CEMIP2: variants seen among roughly 807,000 people sequenced by gnomAD.
CEMIP2 encodes cell migration inducing hyaluronidase 2, also known as cell surface hyaluronidase CEMIP2.
In CEMIP2, 79 loss-of-function variants were observed where a neutral mutation model predicts 146.9. That is an observed-to-expected ratio of 0.54 (90% CI 0.45 to 0.65). CEMIP2 has a LOEUF of 0.65. Among genes scored for constraint, CEMIP2 ranks in the 30% least tolerant of loss-of-function variants. The probability of loss-of-function intolerance (pLI) is 0.00; values close to 1 mark genes in which losing one functional copy is unlikely to be tolerated. For synonymous variants in CEMIP2, 601 were observed against 606.3 expected (o/e 0.99, Z 0.13); for missense variants, 1,596 against 1,696.2 (o/e 0.94, Z 1.04).
intron 22 of CEMIP2, among the ~76,000 whole-genome samples, chr9:71,689,765 T>G (rs534291332): frequency 1.3e-5 from 2 of 152,332 alleles, no homozygotes; most frequent in South Asian, 4.1e-4. Context: ...TGCTCTGATA[T>G]TTGTTTTACG....
In CEMIP2 at chr9:71,722,433, C is replaced by G; in HGVS notation, c.2261G>C (p.Ser754Thr). 6.2e-7 allele frequency: 1 copy of G among 1,612,594 alleles called. No homozygotes were observed. Among genetic ancestry groups the G allele is most frequent in the South Asian group, 1.1e-5 (1 of 90,720 alleles). ...TTAAAAGAGCCAGCTTTACCTTGCACTATTGTCCAAACAGAGGTATTCCCT... is the reference window on the plus strand; with the variant it reads ...TTAAAAGAGCCAGCTTTACCTTGCAGTATTGTCCAAACAGAGGTATTCCCT... ...DPREYLCLDN[S>T]ARFRPHQDAN... Residue 754 changes from serine (S) to threonine (T), a missense_variant, in exon 12 of 24, where the codon AGT (serine) becomes ACT (threonine). Transcript: ENST00000377044.
At chr9:71,705,750 CAT>C (rs1056470518) in intron 17 of CEMIP2, among the ~76,000 whole-genome samples, 1 of 149,498 alleles carries the variant, frequency 6.7e-6, no homozygotes, top group Non-Finnish European at 1.5e-5. Flanking sequence ...TTATGTTTAA[CAT>C]ATATTTATAT....
intron 20 of CEMIP2, among the ~76,000 whole-genome samples, chr9:71,696,348 T>C (rs987436596): frequency 6.6e-5 from 10 of 152,300 alleles, no homozygotes; most frequent in Admixed American, 5.2e-4. Flanking sequence ...CATATAACTT[T>C]CATATACAGG....
intron 23 of CEMIP2, 139 bp downstream of exon 23, chr9:71,685,604 G>C: frequency 8.1e-6 from 7 of 861,870 alleles, no homozygotes; most frequent in Non-Finnish European, 1.1e-5. Context: ...CTCACATTGT[G>C]CCCTTATTTA....
Position 71,718,193 on chromosome 9 carries a change from A to T in CEMIP2, c.2268-114T>A, listed in dbSNP as rs761508932. 112 of 1,002,132 alleles carry T rather than the reference A, an allele frequency of 1.1e-4. No homozygotes were observed. In the Middle Eastern group the frequency reaches 1.4e-3, roughly 12 times the overall value. 62.1% of individuals were successfully genotyped at this position (1,002,132 alleles called of 1,614,324 possible). On this transcript the variant is annotated intron_variant, in intron 12 of 23. Transcript: ENST00000377044. ...TTAAATTTGACCAAAACAAATGAAA[A>T]ATTCTTAAGATACAACTTACTTACA...
At chr9:71,694,396 C>G (rs1380960000) in intron 21 of CEMIP2, 113 bp downstream of exon 21, 1 of 754,994 alleles carries the variant, frequency 1.3e-6, no homozygotes, top group Non-Finnish European at 2.3e-6. Flanking sequence ...GTGCTGGGAT[C>G]ACAGGTGTGA....
At position 71,749,915 on chromosome 9, in the gene CEMIP2, C is replaced by T. The variant is rs374473591; in HGVS notation, c.331+128G>A. 1.7e-5 allele frequency: 12 copies of T among 699,694 alleles called. 1 individual carries two copies. The highest frequency in any genetic ancestry group is 4.1e-4 in the Middle Eastern group (1 of 2,462). 43.3% of individuals were successfully genotyped at this position (699,694 alleles called of 1,614,324 possible). On this transcript the variant is annotated intron_variant, in intron 2 of 23. Coordinates refer to ENST00000377044, the MANE Select transcript of CEMIP2 (RefSeq NM_013390.3). Reference sequence around the variant, plus strand: ...TTGCTCTCATTCATAAGAAGTGACACCTCGTATTACCTAACTACATATTAG... The same window carrying T: ...TTGCTCTCATTCATAAGAAGTGACATCTCGTATTACCTAACTACATATTAG...
At chr9:71,727,859 A>C (rs957772121) in intron 10 of CEMIP2, among the ~76,000 whole-genome samples, 3 of 152,076 alleles carry the variant, frequency 2.0e-5, no homozygotes, top group African/African-American at 7.2e-5. Flanking sequence ...TCAGGAGTTC[A>C]AGACCAGCCT....
chr9:71,711,407 A>C (rs1368086603), intron 16 of CEMIP2, among the ~76,000 whole-genome samples: 1 of 151,510 alleles, frequency 6.6e-6, no homozygotes. Context: ...AAAAAAAAAA[A>C]AAATTTTTTT....
intron 11 of CEMIP2, among the ~76,000 whole-genome samples, chr9:71,722,988 C>A: frequency 6.9e-6 from 1 of 145,422 alleles, no homozygotes. Context: ...AAGCTGAAAC[C>A]TGAAGGATGG....
chr9:71,685,989 T>C (rs1822049205), intron 22 of CEMIP2, 143 bp from the exon 23 acceptor site: 1 of 633,132 alleles, frequency 1.6e-6, no homozygotes, highest in African/African-American at 1.8e-5. Context: ...CTAGATGATT[T>C]TCCATCCAAT....
At chr9:71,762,614 T>C (rs1452826644) in intron 1 of CEMIP2, among the ~76,000 whole-genome samples, 2 of 150,914 alleles carry the variant, frequency 1.3e-5, no homozygotes, top group Admixed American at 1.3e-4. Context: ...AAAAAACACT[T>C]GAAGATTAAA....
intron 22 of CEMIP2, among the ~76,000 whole-genome samples, chr9:71,688,470 A>G (rs1189489712): frequency 6.6e-6 from 1 of 151,746 alleles, no homozygotes; most frequent in Non-Finnish European, 1.5e-5. Context: ...GGCTCACTGC[A>G]AACTGCCTCC....
intron 1 of CEMIP2, among the ~76,000 whole-genome samples, chr9:71,760,543 C>T (rs1824601367): frequency 6.6e-6 from 1 of 151,144 alleles, no homozygotes; most frequent in Non-Finnish European, 1.5e-5. Context: ...CTTTTTCCAA[C>T]GATGTTAAAC....
chr9:71,750,022 T>C (rs919841875), intron 2 of CEMIP2, 21 bp downstream of exon 2: 2 of 1,556,396 alleles, frequency 1.3e-6, no homozygotes, highest in South Asian at 1.2e-5. Context: ...ATATGTTCTA[T>C]GTGCATATAC....
At chr9:71,703,082 T>C (rs1454594116) in intron 18 of CEMIP2, among the ~76,000 whole-genome samples, 1 of 152,216 alleles carries the variant, frequency 6.6e-6, no homozygotes, top group Non-Finnish European at 1.5e-5. Flanking sequence ...AATCTCACTC[T>C]GGCCACAATG....
rs2297089 is a variant in CEMIP2, at chr9:71,690,182, C to T, written c.3761G>A (p.Ser1254Asn). 52,831 of 1,614,006 alleles carry T rather than the reference C, an allele frequency of 0.033. 2,617 individuals are homozygous for T. The highest frequency in any genetic ancestry group is 0.22 in the African/African-American group (16,441 of 74,956). The change falls in exon 22 of 24, where the codon AGC (serine) becomes AAC (asparagine). Residue 1254 changes from serine (S) to asparagine (N), a missense_variant. Transcript: ENST00000377044. ...TTTTTCCGTCAAGCGGAATGGAACG[C>T]TGCACGGATCCACAACAAGGAGGAG... The part of the protein sequence containing the change: ...GVLLLVVDPC[S>N]VPFRLTEKTV...
In CEMIP2 at chr9:71,745,872, AACTCTCAGAATTGTGACAAAATC is replaced by A. The variant is rs200924014; in HGVS notation, c.472+306_473-294del. 5.4e-4 allele frequency among the ~76,000 whole-genome samples: 82 copies of A among 152,274 alleles called. No homozygotes were observed. The East Asian group carries it at 0.014, about 26-fold the overall frequency. ...ATTTTTGTATATGTTTACTCATGTT[AACTCTCAGAATTGTGACAAAATC>A]ACTCTCAGAATTGTGACAAAAATTT... On this transcript the variant is annotated intron_variant, in intron 3 of 23. Transcript: ENST00000377044.
intron 1 of CEMIP2, among the ~76,000 whole-genome samples, chr9:71,751,404 C>T (rs1036755509): frequency 7.2e-5 from 11 of 152,162 alleles, no homozygotes; most frequent in African/African-American, 2.2e-4. Flanking sequence ...TGTAATCACC[C>T]GCTAAGGTGA....
Sources: allele counts gnomAD v4.1 joint callset (sites outside exome capture counted in the v4.1 genomes callset), GRCh38; gene constraint gnomAD v4.1.1; transcripts MANE v1.5; gene names NCBI Gene and HGNC (gene_info 2026-07-23, HGNC 2026-07-21).